Variants in IQSEC1 observed in about 807,000 individuals in gnomAD.
IQSEC1 encodes the protein IQ motif and SEC7 domain-containing protein 1.
A neutral mutation model predicts 91.0 loss-of-function variants in IQSEC1; 31 were observed. The ratio of observed to expected loss-of-function variants is 0.34; its 90% CI spans 0.26 to 0.46. The LOEUF (loss-of-function observed/expected upper bound fraction) is 0.46. Ranked by LOEUF, IQSEC1 falls within the 20% of genes least tolerant of loss-of-function variation. The pLI is 1.00. For synonymous variants in IQSEC1, 699 were observed against 662.6 expected, an observed-to-expected ratio of 1.05 and a Z score of -0.84; for missense variants, 1,388 against 1,575.6, an observed-to-expected ratio of 0.88 and a Z score of 2.02.
At chr3:13,000,504 C>G (rs756443690) in intron 1 of IQSEC1, among the ~76,000 whole-genome samples, 2 of 152,228 alleles carry the variant, frequency 1.3e-5, no homozygotes, top group Non-Finnish European at 2.9e-5. Flanking sequence ...AGCTACCATG[C>G]TGTTCTGTGG....
At chr3:13,090,478 C>T (rs761002390) in intron 2 of IQSEC1, among the ~76,000 whole-genome samples, 1 of 152,210 alleles carries the variant, frequency 6.6e-6, no homozygotes, top group Non-Finnish European at 1.5e-5. Context: ...TCCCAGCACT[C>T]AGGCACACCC....
intron 1 of IQSEC1, among the ~76,000 whole-genome samples, chr3:13,185,936 C>T (rs769304426): frequency 1.3e-5 from 2 of 152,362 alleles, no homozygotes; most frequent in Non-Finnish European, 1.5e-5. Flanking sequence ...CCAAGGTGGG[C>T]GGGTCCCATA....
At chr3:13,203,715 A>G (rs1024187980) in intron 1 of IQSEC1, among the ~76,000 whole-genome samples, 1 of 152,198 alleles carries the variant, frequency 6.6e-6, no homozygotes, top group African/African-American at 2.4e-5. Flanking sequence ...GTGCTGGCAA[A>G]TGATGGGCAG....
intron 1 of IQSEC1, among the ~76,000 whole-genome samples, chr3:13,009,753 T>G (rs1390656831): frequency 6.6e-6 from 1 of 151,884 alleles, no homozygotes; most frequent in Non-Finnish European, 1.5e-5. Flanking sequence ...ACAACAAAAG[T>G]GAAGCTGACA....
chr3:13,280,829 T>C (rs895792593), intron 1 of IQSEC1, among the ~76,000 whole-genome samples: 4 of 152,200 alleles, frequency 2.6e-5, no homozygotes, highest in African/African-American at 9.7e-5. Flanking sequence ...CTGCTTTCCC[T>C]AAAGGCAATG....
At chr3:12,962,582 A>C (rs1260333736) in intron 1 of IQSEC1, among the ~76,000 whole-genome samples, 2 of 152,226 alleles carry the variant, frequency 1.3e-5, no homozygotes, top group East Asian at 3.8e-4. Context: ...CTAGTGATTC[A>C]AAAGCCCTAG....
At chr3:13,149,170 C>A (rs1286250814) in intron 2 of IQSEC1, among the ~76,000 whole-genome samples, 1 of 152,198 alleles carries the variant, frequency 6.6e-6, no homozygotes, top group Non-Finnish European at 1.5e-5. Context: ...TGAGTGCAGG[C>A]CCCCCACATC....
intron 1 of IQSEC1, among the ~76,000 whole-genome samples, chr3:12,997,621 G>A (rs1157467385): frequency 2.0e-5 from 3 of 152,148 alleles, no homozygotes; most frequent in East Asian, 1.9e-4. Flanking sequence ...AGGCTATATG[G>A]TATGGCCTAG....
intron 8 of IQSEC1, among the ~76,000 whole-genome samples, chr3:12,914,602 C>T (rs978282734): frequency 3.3e-5 from 5 of 152,134 alleles, no homozygotes; most frequent in Admixed American, 1.3e-4. Context: ...GCAGGCAGAG[C>T]GGCTTTCAGG....
rs1346343486 is a variant in IQSEC1, at chr3:12,935,899, C to T, written c.1117G>A (p.Asp373Asn). Reference protein sequence around the residue: ...LPLLTIEPPSDSSVDLSDRSE... With the variant: ...LPLLTIEPPSNSSVDLSDRSE... ...CGGTCACTAAGGTCCACAGAGCTGT[C>T]GCTGGGTGGCTCGATGGTGAGCAGC... Residue 373 changes from aspartate to asparagine, a missense_variant, in exon 3 of 14, where the codon GAC becomes AAC. Physicochemically the swap from Asp to Asn is conservative, Grantham distance 23. Around this residue, in one of 2 missense-constraint regions of IQSEC1, gnomAD observed 1,059 missense variants for 1,317.8 expected, o/e 0.80. Coordinates refer to ENST00000613206, the MANE Select transcript of IQSEC1 (RefSeq NM_001134382.3). The surrounding 1 kb of genome is among the most constrained non-coding windows in gnomAD (Gnocchi z 8.0). 5.6e-6 allele frequency: 9 copies of T among 1,603,452 alleles called. No homozygotes were observed. Among genetic ancestry groups the T allele is most frequent in the East Asian group, 4.5e-5 (2 of 44,852 alleles).
intron 2 of IQSEC1, among the ~76,000 whole-genome samples, chr3:13,146,410 A>C (rs953979018): frequency 3.3e-5 from 5 of 152,120 alleles, no homozygotes; most frequent in African/African-American, 9.7e-5. Context: ...CCTGATTTAG[A>C]AGCCAGGAAT....
rs751266418 is a variant in IQSEC1, at chr3:12,941,633, T to G, written c.256A>C (p.Ile86Leu). Reference protein sequence around the residue: ...ILRKQAEEEAIKRSRSLSESY... With the variant: ...ILRKQAEEEALKRSRSLSESY... ...TCGGAGAGTGAGCGTGAGCGCTTGA[T>G]GGCCTCCTCCTCAGCCTGCTTGCGC... Residue 86 changes from isoleucine to leucine, a missense_variant, in exon 2 of 14, where the codon ATC (isoleucine) becomes CTC (leucine). Ile to Leu is a conservative substitution (Grantham distance 5). Transcript: ENST00000613206. 2 of 1,611,876 alleles carry G rather than the reference T, an allele frequency of 1.2e-6. No homozygotes were observed. Among genetic ancestry groups the G allele is most frequent in the Admixed American group, 3.3e-5 (2 of 59,888 alleles).
intron 2 of IQSEC1, among the ~76,000 whole-genome samples, chr3:13,140,282 G>A (rs1050136845): frequency 1.3e-5 from 2 of 152,174 alleles, no homozygotes; most frequent in Admixed American, 6.5e-5. Flanking sequence ...GTGAGAACAG[G>A]GCTCATGGCA....
intron 1 of IQSEC1, among the ~76,000 whole-genome samples, chr3:13,220,882 C>T (rs185980773): frequency 1.3e-5 from 2 of 152,342 alleles, no homozygotes; most frequent in East Asian, 3.9e-4. Flanking sequence ...CTGCCAAACT[C>T]CTGTTTCTAT....
At chr3:12,920,628 T>C (rs750318705) in intron 5 of IQSEC1, 32 bp from the exon 6 acceptor site, 26 of 1,610,054 alleles carry the variant, frequency 1.6e-5, no homozygotes, top group Non-Finnish European at 2.2e-5. Flanking sequence ...GTCAGGGCCA[T>C]GGCGCAGCAA....
intron 2 of IQSEC1, among the ~76,000 whole-genome samples, chr3:13,107,926 G>A (rs773475511): frequency 2.0e-5 from 3 of 152,266 alleles, no homozygotes; most frequent in Non-Finnish European, 4.4e-5. Context: ...GCCATGGCCT[G>A]AGTGAGCTCC....
At chr3:12,915,030 C>A (rs553812160) in intron 8 of IQSEC1, 74 bp downstream of exon 8, 8 of 1,480,238 alleles carry the variant, frequency 5.4e-6, no homozygotes, top group Admixed American at 3.9e-5. Flanking sequence ...CCTGGGGAGC[C>A]GGCGGACTGG....
chr3:12,908,480 T>C lies in IQSEC1; in HGVS notation c.2624A>G (p.Gln875Arg). The C allele has an allele frequency of 6.2e-7, 1 of 1,613,612 alleles. No homozygotes were observed. The highest frequency in any genetic ancestry group is 1.1e-5 in the South Asian group (1 of 91,082). Residue 875 changes from glutamine (Q) to arginine (R), a missense_variant, in exon 12 of 14, where the codon CAG (glutamine) becomes CGG (arginine). Physicochemically the swap from Gln to Arg is conservative, Grantham distance 43. Transcript: ENST00000613206. The surrounding 1 kb of genome is among the most constrained non-coding windows in gnomAD (Gnocchi z 4.9). ...CGACTCCTTTTTGAGGCTAGAGCAC[T>C]GGGACATGCTGGGCCGCACGACGCC... ...QKGVVRPSMS[Q>R]CSSLKKESGN... is the part of the protein sequence containing the mutation.
At chr3:12,916,794 C>T (rs150925130) in intron 6 of IQSEC1, among the ~76,000 whole-genome samples, 36 of 152,330 alleles carry the variant, frequency 2.4e-4, no homozygotes, top group South Asian at 1.2e-3. Flanking sequence ...CACATCAGCA[C>T]GACAGACTAC....
Sources: allele counts gnomAD v4.1 joint callset (sites outside exome capture counted in the v4.1 genomes callset), GRCh38; gene constraint gnomAD v4.1.1; regional missense constraint gnomAD v4.1.1; non-coding constraint Gnocchi (gnomAD v3.1); transcripts MANE v1.5; gene names NCBI Gene and HGNC (gene_info 2026-07-23, HGNC 2026-07-21).